CUX1: variants seen among roughly 807,000 people sequenced by gnomAD.
The protein encoded by CUX1 is protein CASP.
CUX1 carries 31 observed loss-of-function variants against 158.8 expected under a neutral mutation model. The ratio of observed to expected loss-of-function variants is 0.20; its 90% CI spans 0.15 to 0.26. The LOEUF is 0.26. CUX1 is among the 10% of genes least tolerant of loss of function. The pLI is 1.00. For synonymous variants in CUX1, 879 were observed against 862.1 expected, an observed-to-expected ratio of 1.02 and a Z score of -0.34; for missense variants, 1,589 against 2,014.6, an observed-to-expected ratio of 0.79 and a Z score of 4.04.
intron 2 of CUX1, among the ~76,000 whole-genome samples, chr7:101,930,743 G>A (rs1806192296): frequency 6.6e-6 from 1 of 152,082 alleles, no homozygotes; most frequent in Non-Finnish European, 1.5e-5. Flanking sequence ...TTCTGACTTG[G>A]CCACTTAATG....
intron 20 of CUX1, among the ~76,000 whole-genome samples, chr7:102,207,262 G>A (rs528434091): frequency 6.6e-6 from 1 of 152,314 alleles, no homozygotes; most frequent in South Asian, 2.1e-4. Flanking sequence ...GAAGTTGCCA[G>A]TGGTTTTTGT....
At chr7:102,120,621 G>A (rs2131185415) in intron 8 of CUX1, among the ~76,000 whole-genome samples, 1 of 152,322 alleles carries the variant, frequency 6.6e-6, no homozygotes, top group African/African-American at 2.4e-5. Context: ...TTTATAACAT[G>A]TATATAACCA....
At chr7:102,064,583 C>T (rs560177312) in intron 3 of CUX1, among the ~76,000 whole-genome samples, 8 of 152,278 alleles carry the variant, frequency 5.3e-5, no homozygotes, top group Admixed American at 1.3e-4. Flanking sequence ...GGGAGTCAGG[C>T]GGGTGTGTGG....
chr7:102,052,954 C>T (rs1464961729), intron 3 of CUX1, among the ~76,000 whole-genome samples: 6 of 152,000 alleles, frequency 3.9e-5, no homozygotes, highest in East Asian at 1.9e-4. Context: ...ATTACAGGCA[C>T]GTGCCACCAT....
intron 1 of CUX1, among the ~76,000 whole-genome samples, chr7:101,844,774 C>T (rs1562919398): frequency 6.6e-6 from 1 of 152,076 alleles, no homozygotes; most frequent in African/African-American, 2.4e-5. Flanking sequence ...TGCCCCCATG[C>T]CCGGCTAATT....
At chr7:102,081,145 G>A (rs1827340741) in intron 4 of CUX1, among the ~76,000 whole-genome samples, 1 of 152,040 alleles carries the variant, frequency 6.6e-6, no homozygotes, top group South Asian at 2.1e-4. Context: ...CTCTTCCTCT[G>A]CCAGGGCTCT....
intron 9 of CUX1, among the ~76,000 whole-genome samples, chr7:102,168,923 C>CTTTTT (rs1191271149): frequency 2.7e-4 from 12 of 45,030 alleles, no homozygotes; most frequent in African/African-American, 1.6e-3. Flanking sequence ...ATTTTCTTTT[C>CTTTTT]TTTTCTTTTA....
chr7:102,007,964 C>G (rs1302258692), intron 2 of CUX1, among the ~76,000 whole-genome samples: 1 of 152,058 alleles, frequency 6.6e-6, no homozygotes, highest in Non-Finnish European at 1.5e-5. Flanking sequence ...AGGCTGGTCT[C>G]GAACTCCTGA....
At chr7:101,989,431 C>A (rs774698115) in intron 2 of CUX1, among the ~76,000 whole-genome samples, 10 of 152,228 alleles carry the variant, frequency 6.6e-5, no homozygotes, top group Non-Finnish European at 1.3e-4. Context: ...GGTTAATAAT[C>A]CCTGGATTTC....
chr7:102,217,898 G>A (rs1797414281), intron 20 of CUX1, among the ~76,000 whole-genome samples: 1 of 151,456 alleles, frequency 6.6e-6, no homozygotes, highest in Non-Finnish European at 1.5e-5. Context: ...AGGGAGGGAG[G>A]ATCTGGATGG....
chr7:101,996,020 G>A (rs1471150647), intron 2 of CUX1, among the ~76,000 whole-genome samples: 1 of 151,978 alleles, frequency 6.6e-6, no homozygotes, highest in African/African-American at 2.4e-5. Context: ...GCTGAGGCAG[G>A]AGAATCGCTT....
intron 2 of CUX1, among the ~76,000 whole-genome samples, chr7:101,970,805 C>G (rs1435563052): frequency 6.6e-6 from 1 of 152,182 alleles, no homozygotes; most frequent in African/African-American, 2.4e-5. Context: ...ACCCACCTGC[C>G]TCAGCCTCCC....
chr7:102,267,702 T>C (rs1563519063), intron 14 of CUX1, among the ~76,000 whole-genome samples: 2 of 152,174 alleles, frequency 1.3e-5, no homozygotes, highest in Non-Finnish European at 2.9e-5. Flanking sequence ...GGTCTTGCTC[T>C]GTCACCCAGC....
rs1486102002 is a variant in CUX1, at chr7:101,919,645, A to G, written c.141+3420A>G. Among the ~76,000 whole-genome samples the G allele has an allele frequency of 2.0e-5, 3 of 152,230 alleles. No individual in the cohort carries two copies. The East Asian group carries it at 5.8e-4, about 29-fold the overall frequency. ...CCCACGTCTCTCTTTGTTCTGGGAA[A>G]GAAGGAAAGGTTTCCTGGTGTCTGA... is the stretch of plus-strand genomic sequence containing the variant. On this transcript the variant is annotated intron_variant, in intron 2 of 23. Transcript: ENST00000292535.
chr7:102,230,218 G>A (rs971816433), intron 21 of CUX1, among the ~76,000 whole-genome samples: 1 of 152,098 alleles, frequency 6.6e-6, no homozygotes, highest in African/African-American at 2.4e-5. Flanking sequence ...CAGGTGGCCT[G>A]TAACCCTAGC....
intron 3 of CUX1, among the ~76,000 whole-genome samples, chr7:102,064,320 G>C (rs1000403524): frequency 1.3e-5 from 2 of 152,172 alleles, no homozygotes; most frequent in Non-Finnish European, 2.9e-5. Context: ...AAAGTGCTGG[G>C]ATTACAGGCA....
chr7:102,273,502 AC>A, intron 15 of CUX1: 4 of 1,605,782 alleles, frequency 2.5e-6, no homozygotes, highest in Non-Finnish European at 3.4e-6. Flanking sequence ...AGGTGAGCCC[AC>A]CCCCCTGCCC....
At chr7:102,081,262 C>G (rs1445967737) in intron 4 of CUX1, among the ~76,000 whole-genome samples, 1 of 148,352 alleles carries the variant, frequency 6.7e-6, no homozygotes, top group African/African-American at 2.4e-5. Flanking sequence ...CATTTCCCCC[C>G]ACGTGCTCCC....
At chr7:102,069,350 T>C (rs1825886351) in intron 3 of CUX1, among the ~76,000 whole-genome samples, 1 of 152,172 alleles carries the variant, frequency 6.6e-6, no homozygotes, top group Non-Finnish European at 1.5e-5. Context: ...TGGCAGACTC[T>C]CGTGGGTCCC....
Sources: allele counts gnomAD v4.1 joint callset (sites outside exome capture counted in the v4.1 genomes callset), GRCh38; gene constraint gnomAD v4.1.1; transcripts MANE v1.5; gene names NCBI Gene and HGNC (gene_info 2026-07-23, HGNC 2026-07-21).